Variants in SLMAP observed in about 807,000 individuals in gnomAD.
SLMAP encodes sarcolemma associated protein, also known as sarcolemmal membrane-associated protein.
SLMAP carries 44 observed loss-of-function variants against 128.8 expected under a neutral mutation model. The observed-to-expected ratio is 0.34, with a 90% confidence interval of 0.27 to 0.44. The LOEUF is 0.44. Among genes scored for constraint, SLMAP ranks in the 20% least tolerant of loss-of-function variants. The pLI is 1.00. For synonymous variants in SLMAP, 327 were observed against 348.8 expected, an observed-to-expected ratio of 0.94 and a Z score of 0.70; for missense variants, 787 against 985.3, an observed-to-expected ratio of 0.80 and a Z score of 2.69.
chr3:57,776,791 C>G (rs1480688718), intron 2 of SLMAP, among the ~76,000 whole-genome samples: 1 of 151,988 alleles, frequency 6.6e-6, no homozygotes, highest in African/African-American at 2.4e-5. Context: ...TCCCAAAGTG[C>G]TGGGATTACA....
intron 7 of SLMAP, 77 bp from the exon 8 acceptor site, chr3:57,858,011 C>A: frequency 1.9e-6 from 2 of 1,028,190 alleles, no homozygotes; most frequent in Non-Finnish European, 3.0e-6. Flanking sequence ...CTTTTGTTGT[C>A]AGTAGCAACC....
At chr3:57,843,704 TTTTCTTTCTTTCTTTCTTTTTCTTTC>T (rs1270346480) in intron 4 of SLMAP, among the ~76,000 whole-genome samples, 1 of 147,108 alleles carries the variant, frequency 6.8e-6, no homozygotes, top group Non-Finnish European at 1.5e-5. Context: ...CCTTCCTTCC[TTTTCTTTCTTTCTTTCTTTTTCTTTC>T]TTTCTTTCTT....
intron 3 of SLMAP, among the ~76,000 whole-genome samples, chr3:57,839,998 A>AT (rs1041618427): frequency 2.0e-5 from 3 of 148,186 alleles, no homozygotes; most frequent in Admixed American, 6.7e-5. Flanking sequence ...TAAGTTTTAT[A>AT]TTTTTAGTAG....
intron 2 of SLMAP, among the ~76,000 whole-genome samples, chr3:57,789,281 C>T (rs2084921982): frequency 1.3e-5 from 2 of 151,824 alleles, no homozygotes; most frequent in Non-Finnish European, 2.9e-5. Context: ...GATTGCGGGG[C>T]GAGGGTAGAG....
chr3:57,924,071 C>A (rs955833608), intron 23 of SLMAP, among the ~76,000 whole-genome samples: 1 of 152,142 alleles, frequency 6.6e-6, no homozygotes, highest in African/African-American at 2.4e-5. Flanking sequence ...TAATTCATAT[C>A]CCTGGGATTA....
intron 3 of SLMAP, among the ~76,000 whole-genome samples, chr3:57,834,773 AAAG>A (rs1266690220): frequency 6.6e-6 from 1 of 152,102 alleles, no homozygotes; most frequent in Non-Finnish European, 1.5e-5. Context: ...TAGATACAAA[AAAG>A]AAAACTATAA....
At chr3:57,912,793 CT>C (rs1304843846) in intron 20 of SLMAP, 92 bp downstream of exon 20, 5 of 932,764 alleles carry the variant, frequency 5.4e-6, no homozygotes, top group Non-Finnish European at 7.8e-6. Flanking sequence ...CTTTTTTTTT[CT>C]TTGTTAGCTA....
intron 13 of SLMAP, among the ~76,000 whole-genome samples, chr3:57,867,641 C>A (rs927825526): frequency 2.6e-5 from 4 of 152,040 alleles, no homozygotes; most frequent in African/African-American, 9.7e-5. Context: ...GAATAAGATG[C>A]GTCACTTAAT....
Position 57,861,976 on chromosome 3 carries a change from T to G in SLMAP, c.856T>G (p.Cys286Gly). ...AAGTCTGAGTAATACTGAAGATGAA[T>G]GTACCCATCTGAAAGAAATGAATGA... Reference protein sequence around the residue: ...ERSLSNTEDECTHLKEMNERT... With the variant: ...ERSLSNTEDEGTHLKEMNERT... Residue 286 changes from cysteine to glycine, a missense_variant, in exon 10 of 25, where the codon TGT becomes GGT. Physicochemically the swap from Cys to Gly is radical, Grantham distance 159. This residue lies in a region of SLMAP where 715 missense variants were observed against 843.6 expected (regional missense o/e 0.85). Coordinates refer to ENST00000671191, the MANE Select transcript of SLMAP (RefSeq NM_001377540.1). 6.2e-7 allele frequency: 1 copy of G among 1,612,390 alleles called. No individual in the cohort carries two copies.
intron 2 of SLMAP, among the ~76,000 whole-genome samples, chr3:57,812,464 C>T (rs974639509): frequency 2.0e-5 from 3 of 152,112 alleles, no homozygotes; most frequent in Non-Finnish European, 4.4e-5. Context: ...ATGCCGGTAC[C>T]ATACTGTTTT....
chr3:57,813,972 T>C (rs2091453174), intron 2 of SLMAP, among the ~76,000 whole-genome samples: 1 of 152,060 alleles, frequency 6.6e-6, no homozygotes, highest in Non-Finnish European at 1.5e-5. Context: ...TTTTTTTTTT[T>C]AATGGAAATT....
intron 14 of SLMAP, among the ~76,000 whole-genome samples, chr3:57,880,496 C>T (rs147354216): frequency 5.9e-4 from 90 of 152,174 alleles, no homozygotes; most frequent in Non-Finnish European, 1.1e-3. Flanking sequence ...AGCCACCATG[C>T]CCAGACTTGT....
At chr3:57,888,125 G>A (rs113707197) in intron 14 of SLMAP, among the ~76,000 whole-genome samples, 4,028 of 152,188 alleles carry the variant, frequency 0.026, 160 homozygotes, top group African/African-American at 0.091. Context: ...GGGGATATAT[G>A]ATGTGATAAA....
intron 4 of SLMAP, among the ~76,000 whole-genome samples, chr3:57,842,493 G>A (rs1381114718): frequency 6.6e-6 from 1 of 152,008 alleles, no homozygotes; most frequent in Non-Finnish European, 1.5e-5. Flanking sequence ...AAGAATTAAG[G>A]TTTTAGAAAT....
At chr3:57,772,051 A>G (rs889305265) in intron 2 of SLMAP, among the ~76,000 whole-genome samples, 12 of 152,240 alleles carry the variant, frequency 7.9e-5, no homozygotes, top group African/African-American at 2.9e-4. Flanking sequence ...TTCAGTCTTC[A>G]AGGAGTTTCT....
intron 2 of SLMAP, among the ~76,000 whole-genome samples, chr3:57,762,237 A>G (rs1228343680): frequency 6.7e-6 from 1 of 150,280 alleles, no homozygotes; most frequent in African/African-American, 2.5e-5. Context: ...GCATGGTGGC[A>G]TGTGCCTGCA....
intron 14 of SLMAP, among the ~76,000 whole-genome samples, chr3:57,887,235 A>T (rs1036603063): frequency 7.1e-6 from 1 of 141,394 alleles, no homozygotes; most frequent in Admixed American, 7.1e-5. Flanking sequence ...AAGCCATGAG[A>T]TTTTTTTTTT....
chr3:57,762,710 GTTTT>G (rs752054975), intron 2 of SLMAP, among the ~76,000 whole-genome samples: 3 of 107,782 alleles, frequency 2.8e-5, no homozygotes, highest in Non-Finnish European at 3.7e-5. Flanking sequence ...TAGTAGAATG[GTTTT>G]TTTTTTTTTT....
intron 14 of SLMAP, among the ~76,000 whole-genome samples, chr3:57,882,679 G>T (rs1025891606): frequency 3.9e-5 from 6 of 152,180 alleles, no homozygotes; most frequent in African/African-American, 1.4e-4. Flanking sequence ...CAGGCAGCAG[G>T]TTGGATTTGG....
Sources: allele counts gnomAD v4.1 joint callset (sites outside exome capture counted in the v4.1 genomes callset), GRCh38; gene constraint gnomAD v4.1.1; regional missense constraint gnomAD v4.1.1; transcripts MANE v1.5; gene names NCBI Gene and HGNC (gene_info 2026-07-23, HGNC 2026-07-21).